Variants in CCNF observed in about 807,000 individuals in gnomAD.
CCNF encodes the protein cyclin-F.
A neutral mutation model predicts 85.4 loss-of-function variants in CCNF; 30 were observed. The observed-to-expected ratio is 0.35, with a 90% CI of 0.26 to 0.48. CCNF has a LOEUF of 0.48. Ranked by LOEUF, CCNF falls within the 20% of genes least tolerant of loss-of-function variation. The pLI is 0.99. For synonymous variants in CCNF, 439 were observed against 425.1 expected (o/e 1.03, Z -0.40); for missense variants, 919 against 1,010.4 (o/e 0.91, Z 1.23).
At chr16:2,439,062 C>T (rs777183197) in intron 6 of CCNF, among the ~76,000 whole-genome samples, 14 of 152,058 alleles carry the variant, frequency 9.2e-5, no homozygotes, top group Admixed American at 3.3e-4. Context: ...CTTTGGGAGA[C>T]TGAGGTGGGT....
chr16:2,445,264 T>G, intron 9 of CCNF, 194 bp from the exon 10 acceptor site: 1 of 611,408 alleles, frequency 1.6e-6, no homozygotes, highest in Non-Finnish European at 2.9e-6. Context: ...ATGTGGGGCC[T>G]GCTTTGGGGC....
chr16:2,435,192 A>G lies in CCNF; in HGVS notation c.279-614A>G, dbSNP rs560955732. ...TGTGAACCTGGGAGGCGGAGCTTGT[A>G]GTGAGCCGAGATTGCGCCACTGCAC... On this transcript the variant is annotated intron_variant, in intron 3 of 16. Coordinates refer to ENST00000397066, the MANE Select transcript of CCNF (RefSeq NM_001761.3). Among the ~76,000 whole-genome samples the G allele has an allele frequency of 9.4e-5, 14 of 148,756 alleles. No homozygotes were observed. In the South Asian group the frequency reaches 1.3e-3, roughly 14 times the overall value.
In CCNF at chr16:2,457,032, C is replaced by T. The variant is rs761471485; in HGVS notation, c.*12C>T. ...TTGTGAGGCTGTAAGTGTGTCAGCACATTTGCCGCAGTGGATGTGTACTGA... is the reference window on the plus strand; with the variant it reads ...TTGTGAGGCTGTAAGTGTGTCAGCATATTTGCCGCAGTGGATGTGTACTGA... On this transcript the variant is annotated 3_prime_UTR_variant, in exon 17 of 17. Coordinates refer to ENST00000397066, the MANE Select transcript of CCNF (RefSeq NM_001761.3). 34 of 1,557,338 alleles carry T rather than the reference C, an allele frequency of 2.2e-5. No homozygotes were observed. The highest frequency in any genetic ancestry group is 3.0e-5 in the Non-Finnish European group (34 of 1,146,810).
Position 2,449,533 on chromosome 16 carries a change from GAA to G in CCNF, c.1399+74_1399+75del, listed in dbSNP as rs1176467422. On this transcript the variant is annotated intron_variant, in intron 12 of 16. Coordinates refer to ENST00000397066, the MANE Select transcript of CCNF (RefSeq NM_001761.3). Reference sequence around the variant, plus strand: ...TGACATAGGAGGAGGCTGTGGGGAGGAAAAGAGTCCAGCATCCATTTGTCCTG... The same window carrying G: ...TGACATAGGAGGAGGCTGTGGGGAGGAAGAGTCCAGCATCCATTTGTCCTG... 8 of 1,453,850 alleles carry G rather than the reference GAA, an allele frequency of 5.5e-6. No homozygotes were observed. The East Asian group carries it at 6.9e-5, about 13-fold the overall frequency. The allele number at this position is 1,453,850 out of a possible 1,614,324, so 90.1% of individuals were successfully genotyped here. A position where few individuals can be genotyped will look rare whatever the true frequency, so the allele number is the denominator to read the frequency against.
rs1388917607 is a variant in CCNF at position 2,449,386 on chromosome 16, C to G, written c.1323C>G (p.His441Gln). Residue 441 changes from histidine to glutamine, a missense_variant, in exon 12 of 17, where the codon CAC becomes CAG. Coordinates refer to ENST00000397066, the MANE Select transcript of CCNF (RefSeq NM_001761.3). ...CSFLCELSLL[H>Q]TSLSAYAPAR... ...TCCTCTGCGAGCTCTCCCTGCTGCA[C>G]ACCAGCCTGTCCGCCTACGCCCCAG... is the stretch of plus-strand genomic sequence containing the variant. 6.2e-7 allele frequency: 1 copy of G among 1,612,780 alleles called. No individual in the cohort carries two copies. Among genetic ancestry groups the G allele is most frequent in the South Asian group, 1.1e-5 (1 of 91,090 alleles).
Position 2,452,221 on chromosome 16 carries a change from C to T in CCNF, c.1488-989C>T, listed in dbSNP as rs59606108. 6.6e-6 allele frequency among the ~76,000 whole-genome samples: 1 copy of T among 152,192 alleles called. No homozygotes were observed. ...TGAGATCAGAACTCCCTGGGGGTCT[C>T]GATGCCCTTGAGCAGCCCCTTCTGT... On this transcript the variant is annotated intron_variant, in intron 13 of 16. Transcript: ENST00000397066. This position sits in a 1 kb window ranked among gnomAD's most constrained non-coding sequence, Gnocchi z 4.1.
At chr16:2,438,292 C>T (rs1264997803) in intron 6 of CCNF, among the ~76,000 whole-genome samples, 169 bp downstream of exon 6, 5 of 152,140 alleles carry the variant, frequency 3.3e-5, no homozygotes, top group East Asian at 1.9e-4. Context: ...GGCCTGGCCA[C>T]GGGCTCCGAT....
Position 2,455,468 on chromosome 16 carries a change from G to A in CCNF, c.1789G>A (p.Glu597Lys). 1 of 1,605,166 alleles carries A rather than the reference G, an allele frequency of 6.2e-7. No individual in the cohort carries two copies. The highest frequency in any genetic ancestry group is 8.5e-7 in the Non-Finnish European group (1 of 1,173,132). Residue 597 changes from glutamate (E) to lysine (K), a missense_variant, in exon 16 of 17, where the codon GAG (glutamate) becomes AAG (lysine). Around this residue, in one of 3 missense-constraint regions of CCNF, gnomAD observed 505 missense variants for 514.8 expected, o/e 0.98. Coordinates refer to ENST00000397066, the MANE Select transcript of CCNF (RefSeq NM_001761.3). ...TTPTAELSSQEETLLGSFLDW... is the reference protein window; with the variant it reads ...TTPTAELSSQKETLLGSFLDW... ...CCCCACTGCGGAGCTGTCCAGCCAG[G>A]AGGAGACGCTGCTGGGCAGCTTCCT...
chr16:2,437,516 G>C (rs1184276278), intron 5 of CCNF, 194 bp downstream of exon 5: 14 of 540,068 alleles, frequency 2.6e-5, no homozygotes, highest in Non-Finnish European at 3.9e-5. Context: ...TGAGAGCCAG[G>C]GTGGGCTGTG....
In CCNF at chr16:2,429,457, C is replaced by G. The variant is rs2065251431; in HGVS notation, c.-25C>G. ...CGCGGGCGCGCTCTCAGGCGGGCTC[C>G]GGCGGCAGCGACGCGAGCGCGGCGA... On this transcript the variant is annotated 5_prime_UTR_variant, in exon 1 of 17. Transcript: ENST00000397066. 8.2e-7 allele frequency: 1 copy of G among 1,221,402 alleles called. No homozygotes were observed. The highest frequency in any genetic ancestry group is 4.3e-5 in the Admixed American group (1 of 23,066). 75.7% of individuals were successfully genotyped at this position (1,221,402 alleles called of 1,614,324 possible).
At chr16:2,435,255 AAAAAAAGAAAAGAAAAG>A (rs1318712307) in intron 3 of CCNF, among the ~76,000 whole-genome samples, 25 of 97,964 alleles carry the variant, frequency 2.6e-4, no homozygotes, top group African/African-American at 6.5e-4. Context: ...GTCTCAAAAA[AAAAAAAGAAAAGAAAAG>A]AAAAAAAAAA....
intron 8 of CCNF, among the ~76,000 whole-genome samples, chr16:2,442,124 G>A (rs2065326589): frequency 6.9e-6 from 1 of 145,486 alleles, no homozygotes; most frequent in South Asian, 2.1e-4. Flanking sequence ...TCCTGCCTCA[G>A]CCTCCCAAGT....
At position 2,431,113 on chromosome 16, in the gene CCNF, G is replaced by C. The variant is rs747010806; in HGVS notation, c.17-17G>C. On this transcript the variant is annotated splice_polypyrimidine_tract_variant and intron_variant, in intron 1 of 16. Transcript: ENST00000397066. ...AATTTTTCATCTTATCAAGGCTTCT[G>C]TCTTTTTTTCCTTCAGTGGTCCACT... 3 of 1,612,264 alleles carry C rather than the reference G, an allele frequency of 1.9e-6. No individual in the cohort carries two copies. The highest frequency in any genetic ancestry group is 2.5e-6 in the Non-Finnish European group (3 of 1,179,234).
At chr16:2,439,869 C>T in intron 8 of CCNF, 43 bp downstream of exon 8, 1 of 1,549,932 alleles carries the variant, frequency 6.5e-7, no homozygotes, top group Non-Finnish European at 8.9e-7. Flanking sequence ...TGGCCTTTCT[C>T]CCTCCAGCCT....
intron 10 of CCNF, among the ~76,000 whole-genome samples, chr16:2,448,183 G>A (rs901645007): frequency 6.6e-6 from 1 of 152,214 alleles, no homozygotes; most frequent in Non-Finnish European, 1.5e-5. Flanking sequence ...CCTAGATCTG[G>A]TGACTCACCC....
rs1426599892 is a variant in CCNF at position 2,456,675 on chromosome 16, G to A, written c.2016G>A (p.Ala672=). The A allele has an allele frequency of 9.3e-6, 15 of 1,613,418 alleles. No homozygotes were observed. The highest frequency in any genetic ancestry group is 1.7e-5 in the Admixed American group (1 of 59,978). Residue 672 remains alanine (A), a synonymous_variant, in exon 17 of 17, where the codon GCG becomes GCA. Coordinates refer to ENST00000397066, the MANE Select transcript of CCNF (RefSeq NM_001761.3). This position sits in a 1 kb window ranked among gnomAD's most constrained non-coding sequence, Gnocchi z 4.5. ...DKGPQDPQAL[A]LDTQIPATPG... is the part of the protein sequence containing the mutation. Reference sequence around the variant, plus strand: ...GACCCCAGGACCCACAGGCACTGGCGCTGGACACCCAGATCCCTGCAACCC... The same window carrying A: ...GACCCCAGGACCCACAGGCACTGGCACTGGACACCCAGATCCCTGCAACCC...
chr16:2,456,564 C>G lies in CCNF; in HGVS notation c.1905C>G (p.Ile635Met). 6.5e-7 allele frequency: 1 copy of G among 1,547,160 alleles called. No individual in the cohort carries two copies. The highest frequency in any genetic ancestry group is 1.2e-5 in the South Asian group (1 of 81,302). Reference protein sequence around the residue: ...KEGDVTAPSGILDVTVVYLNP... With the variant: ...KEGDVTAPSGMLDVTVVYLNP... ...CTGCAGTGACAGCTCCCAGCGGCAT[C>G]CTCGATGTCACCGTGGTCTACCTGA... Residue 635 changes from isoleucine (I) to methionine (M), a missense_variant, in exon 17 of 17, where the codon ATC becomes ATG. Coordinates refer to ENST00000397066, the MANE Select transcript of CCNF (RefSeq NM_001761.3). This position sits in a 1 kb window ranked among gnomAD's most constrained non-coding sequence, Gnocchi z 4.5.
At chr16:2,439,943 G>C in intron 8 of CCNF, 117 bp downstream of exon 8, 5 of 842,186 alleles carry the variant, frequency 5.9e-6, no homozygotes, top group Non-Finnish European at 9.8e-6. Context: ...CACATGGGAG[G>C]CCAGGATTGA....
At chr16:2,431,989 C>A (rs1462291445) in intron 2 of CCNF, among the ~76,000 whole-genome samples, 1 of 151,924 alleles carries the variant, frequency 6.6e-6, no homozygotes, top group African/African-American at 2.4e-5. Flanking sequence ...CGCCACCACG[C>A]CCGGCTAATT....
Sources: allele counts gnomAD v4.1 joint callset (sites outside exome capture counted in the v4.1 genomes callset), GRCh38; gene constraint gnomAD v4.1.1; regional missense constraint gnomAD v4.1.1; non-coding constraint Gnocchi (gnomAD v3.1); transcripts MANE v1.5; gene names NCBI Gene and HGNC (gene_info 2026-07-23, HGNC 2026-07-21).